CABYR: variants seen among roughly 807,000 people sequenced by gnomAD.
The protein encoded by CABYR is calcium binding tyrosine phosphorylation regulated.
A neutral mutation model predicts 36.1 loss-of-function variants in CABYR; 31 were observed. The observed-to-expected ratio is 0.86, with a 90% CI of 0.64 to 1.16. CABYR has a LOEUF of 1.16. Ranked by LOEUF, CABYR falls within the 50% of genes most tolerant of loss-of-function variation. CABYR has a pLI of 0.00. For missense variants in CABYR, 429 were observed against 455.8 expected (o/e 0.94, Z 0.53); for synonymous variants, 146 against 160.7 (o/e 0.91, Z 0.69).
rs771382555 is a variant in CABYR at position 24,143,276 on chromosome 18, T to C, written c.145+17T>C. 6.2e-6 allele frequency: 10 copies of C among 1,603,684 alleles called. 1 individual carries two copies. The South Asian group carries it at 9.0e-5, about 14-fold the overall frequency. ...TGTATAGAGGTTTGTTATTCCTTTA[T>C]ATATTTGCTGCTTTGAAAAAGAAAA... On this transcript the variant is annotated intron_variant, in intron 2 of 5. Coordinates refer to ENST00000399496, the MANE Select transcript of CABYR (RefSeq NM_153769.3).
intron 3 of CABYR, among the ~76,000 whole-genome samples, chr18:24,144,359 C>G (rs2085405944): frequency 6.6e-6 from 1 of 152,190 alleles, no homozygotes; most frequent in South Asian, 2.1e-4. Context: ...GCCTTAGATG[C>G]TACAGAGTAC....
At chr18:24,140,729 CCTT>C (rs1599366907) in intron 1 of CABYR, among the ~76,000 whole-genome samples, 1 of 149,504 alleles carries the variant, frequency 6.7e-6, no homozygotes, top group South Asian at 2.2e-4. Context: ...TGGTAACCAT[CCTT>C]CTCTATGTCC....
Position 24,160,060 on chromosome 18 carries a change from C to G in CABYR, c.1130C>G (p.Thr377Ser). The G allele has an allele frequency of 4.3e-6, 7 of 1,609,652 alleles. No homozygotes were observed. The highest frequency in any genetic ancestry group is 5.9e-6 in the Non-Finnish European group (7 of 1,177,456). ...TTAHKRRKAE[T>S]EN ...GCTCACAAACGTCGCAAAGCAGAAACTGAAAACTGGTAGGTACACTTTCCT... is the reference window on the plus strand; with the variant it reads ...GCTCACAAACGTCGCAAAGCAGAAAGTGAAAACTGGTAGGTACACTTTCCT... Residue 377 changes from threonine to serine, a missense_variant, in exon 5 of 6, where the codon ACT becomes AGT. Physicochemically the swap from Thr to Ser is moderately conservative, Grantham distance 58 (BLOSUM62 1). Transcript: ENST00000399496.
chr18:24,159,688 A>G lies in CABYR; in HGVS notation c.758A>G (p.Lys253Arg). Reference protein sequence around the residue: ...TFPTYVMGDTKKTSAPPFILV... With the variant: ...TFPTYVMGDTRKTSAPPFILV... ...CCAACTTATGTGATGGGCGACACCA[A>G]GAAGACCAGTGCCCCACCTTTTATC... The change falls in exon 5 of 6, where the codon AAG becomes AGG. Residue 253 changes from lysine (K) to arginine (R), a missense_variant. Lys to Arg is a conservative substitution (Grantham distance 26). Transcript: ENST00000399496. 6.2e-7 allele frequency: 1 copy of G among 1,614,118 alleles called. No individual in the cohort carries two copies.
chr18:24,154,597 A>G (rs2085725250), intron 3 of CABYR, among the ~76,000 whole-genome samples: 1 of 152,216 alleles, frequency 6.6e-6, no homozygotes, highest in Non-Finnish European at 1.5e-5. Context: ...CCTATTGAAA[A>G]CATGTCTCCA....
chr18:24,159,354 C>T, intron 4 of CABYR, 118 bp from the exon 5 acceptor site: 1 of 717,184 alleles, frequency 1.4e-6, no homozygotes, highest in Non-Finnish European at 2.4e-6. Flanking sequence ...ATAGCATGCT[C>T]TACGGTACAT....
chr18:24,149,419 C>T (rs1037730250), intron 3 of CABYR, among the ~76,000 whole-genome samples: 4 of 151,908 alleles, frequency 2.6e-5, no homozygotes, highest in Non-Finnish European at 5.9e-5. Context: ...GATTGGTGTA[C>T]TTACAATCCC....
rs1459617422 is a variant in CABYR at position 24,161,525 on chromosome 18, T to C, written c.*9T>C. 1.3e-6 allele frequency: 1 copy of C among 780,688 alleles called. No homozygotes were observed. The highest frequency in any genetic ancestry group is 2.4e-6 in the Non-Finnish European group (1 of 417,980). The allele number at this position is 780,688 out of a possible 1,614,324, so 48.4% of individuals were successfully genotyped here. ...GCATTATTCCTAACAGATCCAGAAATGACGCTGTCTGGGTCAACATTTCAG... is the reference window on the plus strand; with the variant it reads ...GCATTATTCCTAACAGATCCAGAAACGACGCTGTCTGGGTCAACATTTCAG... On this transcript the variant is annotated 3_prime_UTR_variant, in exon 6 of 6. Coordinates refer to ENST00000399496, the MANE Select transcript of CABYR (RefSeq NM_153769.3).
chr18:24,147,933 ATAATT>A (rs1226552289), intron 3 of CABYR, among the ~76,000 whole-genome samples: 2 of 152,194 alleles, frequency 1.3e-5, no homozygotes, highest in African/African-American at 4.8e-5. Context: ...TGCTCCTAAT[ATAATT>A]TAATAATAAG....
chr18:24,152,174 T>A (rs2085657403), intron 3 of CABYR, among the ~76,000 whole-genome samples: 1 of 152,254 alleles, frequency 6.6e-6, no homozygotes, highest in African/African-American at 2.4e-5. Flanking sequence ...ATTTGAGATT[T>A]ATATTTTTAA....
chr18:24,155,255 C>CAA (rs1413927488), intron 3 of CABYR, among the ~76,000 whole-genome samples: 1 of 152,118 alleles, frequency 6.6e-6, no homozygotes, highest in Non-Finnish European at 1.5e-5. Flanking sequence ...GTTCTAGGCA[C>CAA]AAAGTTATGA....
At chr18:24,144,875 G>T (rs1448540015) in intron 3 of CABYR, among the ~76,000 whole-genome samples, 1 of 152,230 alleles carries the variant, frequency 6.6e-6, no homozygotes, top group African/African-American at 2.4e-5. Flanking sequence ...TGCAAGATGA[G>T]ATCAGTTAGA....
chr18:24,140,526 A>ATC (rs1436504188), intron 1 of CABYR, among the ~76,000 whole-genome samples: 5 of 151,892 alleles, frequency 3.3e-5, no homozygotes, highest in African/African-American at 1.2e-4. Context: ...TGGGGCATCT[A>ATC]TCCCCTCAAA....
At position 24,159,968 on chromosome 18, in the gene CABYR, A is replaced by G. The variant is rs759128188; in HGVS notation, c.1038A>G (p.Ser346=). 1 of 1,614,198 alleles carries G rather than the reference A, an allele frequency of 6.2e-7. No homozygotes were observed. Among genetic ancestry groups the G allele is most frequent in the Non-Finnish European group, 8.5e-7 (1 of 1,180,028 alleles). ...TAGAAGATGTAGCTAAAAAAAGTTCAGGATCTGGTGACAAATGTGCTCCCT... is the reference window on the plus strand; with the variant it reads ...TAGAAGATGTAGCTAAAAAAAGTTCGGGATCTGGTGACAAATGTGCTCCCT... ...FPVEDVAKKS[S]GSGDKCAPFG... The change falls in exon 5 of 6, where the codon TCA becomes TCG. Residue 346 remains serine, a synonymous_variant. Coordinates refer to ENST00000399496, the MANE Select transcript of CABYR (RefSeq NM_153769.3).
chr18:24,153,751 G>GTAT (rs1241093173), intron 3 of CABYR, among the ~76,000 whole-genome samples: 3 of 152,128 alleles, frequency 2.0e-5, no homozygotes, highest in African/African-American at 7.2e-5. Flanking sequence ...TGGAAACAAT[G>GTAT]TATTTTGTAG....
At chr18:24,151,686 GC>G (rs1379550745) in intron 3 of CABYR, among the ~76,000 whole-genome samples, 1 of 76,370 alleles carries the variant, frequency 1.3e-5, no homozygotes, top group Non-Finnish European at 2.5e-5. Context: ...TCTAGTGTTG[GC>G]TTTTTTTTTT....
intron 4 of CABYR, among the ~76,000 whole-genome samples, chr18:24,157,738 A>G (rs2085829245): frequency 6.6e-6 from 1 of 152,156 alleles, no homozygotes; most frequent in Non-Finnish European, 1.5e-5. Context: ...TTGAACTATC[A>G]CCATGTTTTC....
chr18:24,156,267 CCAT>C (rs1353555656), intron 4 of CABYR: 1 of 1,614,144 alleles, frequency 6.2e-7, no homozygotes, highest in Admixed American at 1.7e-5. Flanking sequence ...TGAGGCTGAA[CCAT>C]CAACGGCTTC....
At chr18:24,158,769 C>G (rs1196536927) in intron 4 of CABYR, among the ~76,000 whole-genome samples, 1 of 152,138 alleles carries the variant, frequency 6.6e-6, no homozygotes, top group Middle Eastern at 3.2e-3. Flanking sequence ...GGACTTGGTT[C>G]TCCCAAGACA....
Sources: gnomAD v4.1 joint callset for allele counts (sites outside exome capture counted in the v4.1 genomes callset) on GRCh38, gnomAD v4.1.1 for gene constraint, MANE v1.5 for transcripts, NCBI Gene and HGNC (gene_info 2026-07-23, HGNC 2026-07-21) for gene names.